Variants in ARSG observed in about 807,000 individuals in gnomAD.
ARSG encodes arylsulfatase G.
A neutral mutation model predicts 50.5 loss-of-function variants in ARSG; 37 were observed. The observed-to-expected ratio is 0.73, with a 90% CI of 0.56 to 0.96. The LOEUF (loss-of-function observed/expected upper bound fraction) is 0.96, where lower values mean the gene tolerates loss of function less well. ARSG is among the 50% of genes least tolerant of loss of function. ARSG has a pLI of 0.00. For missense variants in ARSG, 629 were observed against 675.3 expected (o/e 0.93, Z 0.76); for synonymous variants, 225 against 254.6 (o/e 0.88, Z 1.11).
chr17:68,360,661 G>A (rs192556372), intron 6 of ARSG, among the ~76,000 whole-genome samples: 74 of 152,260 alleles, frequency 4.9e-4, no homozygotes, highest in South Asian at 1.7e-3. Flanking sequence ...AAAAGGAGCC[G>A]GTAGAAGGCA....
intron 1 of ARSG, chr17:68,272,691 G>A (rs1455977856): frequency 1.2e-6 from 2 of 1,614,052 alleles, no homozygotes; most frequent in African/African-American, 1.3e-5. Context: ...CAACTGCAGT[G>A]ACTATGGAAC....
downstream of ARSG, among the ~76,000 whole-genome samples, chr17:68,423,571 G>T (rs189093992): frequency 2.0e-5 from 3 of 152,152 alleles, no homozygotes; most frequent in Admixed American, 6.5e-5. This position sits in a 1 kb window ranked among gnomAD's most constrained non-coding sequence, Gnocchi z 4.4. Flanking sequence ...TATTTCTTGC[G>T]TATAAATAAG....
At chr17:68,426,068 T>A (rs1444875132), downstream of ARSG, 1 of 1,612,768 alleles carries the variant, frequency 6.2e-7, no homozygotes. Flanking sequence ...GGGTTCCTAA[T>A]GCTCACAGGA....
chr17:68,278,478 C>G (rs1023933758), intron 1 of ARSG: 61 of 601,968 alleles, frequency 1.0e-4, no homozygotes, highest in Non-Finnish European at 1.7e-4. Flanking sequence ...GAGATGGAGT[C>G]TTGCTCTGTC....
intron 8 of ARSG, among the ~76,000 whole-genome samples, chr17:68,377,998 T>G (rs902429334): frequency 5.3e-5 from 8 of 152,200 alleles, no homozygotes; most frequent in Non-Finnish European, 1.2e-4. Context: ...TTCTTCTTCC[T>G]CAGTCTCCAA....
chr17:68,428,782 C>T, the ARSG span: 385,867 of 1,461,526 alleles, frequency 0.26, 52,594 homozygotes, highest in Non-Finnish European at 0.28. Flanking sequence ...GACAACTCTA[C>T]ACGACCAGCT....
chr17:68,365,141 C>G (rs2079483006), intron 6 of ARSG, among the ~76,000 whole-genome samples: 1 of 152,180 alleles, frequency 6.6e-6, no homozygotes, highest in Admixed American at 6.5e-5. Context: ...AAAACCTCAT[C>G]TCTACTAAAA....
the ARSG span, among the ~76,000 whole-genome samples, chr17:68,427,959 A>G: frequency 6.6e-6 from 1 of 151,460 alleles, no homozygotes; most frequent in Non-Finnish European, 1.5e-5. Flanking sequence ...GTGTGACCAC[A>G]GCTTACTGCA....
chr17:68,400,771 A>T (rs1474072803), intron 10 of ARSG, among the ~76,000 whole-genome samples: 1 of 152,170 alleles, frequency 6.6e-6, no homozygotes, highest in East Asian at 1.9e-4. Context: ...GGACTTTGCA[A>T]ATTACATAGC....
the ARSG span, among the ~76,000 whole-genome samples, chr17:68,432,999 C>T: frequency 1.3e-5 from 2 of 152,178 alleles, no homozygotes; most frequent in African/African-American, 4.8e-5. Context: ...GCTTCTTAAG[C>T]CCTGAGAAAT....
At chr17:68,451,160 C>T in the ARSG span, among the ~76,000 whole-genome samples, 7 of 152,348 alleles carry the variant, frequency 4.6e-5, no homozygotes, top group Middle Eastern at 6.8e-3. Flanking sequence ...CCTGGCATGG[C>T]GGCTCACGCC....
At chr17:68,346,033 AC>A (rs2078487782) in intron 3 of ARSG, among the ~76,000 whole-genome samples, 1 of 151,818 alleles carries the variant, frequency 6.6e-6, no homozygotes, top group African/African-American at 2.4e-5. Context: ...GCACCACCAC[AC>A]CCAGCTAATT....
chr17:68,405,708 A>AT (rs1174196206), intron 11 of ARSG, among the ~76,000 whole-genome samples: 1 of 152,070 alleles, frequency 6.6e-6, no homozygotes, highest in Non-Finnish European at 1.5e-5. Flanking sequence ...GTCCAGTACT[A>AT]TGTGGAACAG....
intron 11 of ARSG, among the ~76,000 whole-genome samples, chr17:68,412,909 G>A (rs1362291299): frequency 1.5e-4 from 23 of 150,740 alleles, no homozygotes; most frequent in Non-Finnish European, 3.4e-4. Context: ...CCAGTTGATC[G>A]CACCGGCTCC....
chr17:68,436,275 C>T, the ARSG span: 1 of 967,026 alleles, frequency 1.0e-6, no homozygotes, highest in Non-Finnish European at 1.7e-6. Flanking sequence ...GTATTGCTTA[C>T]TCCCACCGCC....
At chr17:68,369,519 G>C (rs1387434550) in intron 7 of ARSG, among the ~76,000 whole-genome samples, 1 of 151,340 alleles carries the variant, frequency 6.6e-6, no homozygotes, top group Non-Finnish European at 1.5e-5. Flanking sequence ...CAGCCTGGGA[G>C]ACAGAGCAAG....
At position 68,295,653 on chromosome 17, in the gene ARSG, A is replaced by T. The variant is rs2076176519; in HGVS notation, c.-552+4085A>T. Among the ~76,000 whole-genome samples the T allele has an allele frequency of 3.3e-5, 5 of 150,048 alleles. No homozygotes were observed. In the South Asian group the frequency reaches 8.4e-4, roughly 25 times the overall value. ...AGACCAGCCTGGGCAACACGGCAAG[A>T]CACCACATCTAAGACAAATTTTTTT... is the stretch of plus-strand genomic sequence containing the variant. On this transcript the variant is annotated intron_variant, in intron 1 of 11. Transcript: ENST00000621439.
chr17:68,439,101 T>G, the ARSG span, among the ~76,000 whole-genome samples: 1 of 152,156 alleles, frequency 6.6e-6, no homozygotes, highest in African/African-American at 2.4e-5. Flanking sequence ...AAACATAAAG[T>G]TCTCATATGA....
chr17:68,295,420 A>G (rs1182365125), intron 1 of ARSG, among the ~76,000 whole-genome samples: 1 of 152,066 alleles, frequency 6.6e-6, no homozygotes, highest in African/African-American at 2.4e-5. Flanking sequence ...TAGGCTTCTC[A>G]GTCTTCATAG....
Sources: gnomAD v4.1 joint callset for allele counts (sites outside exome capture counted in the v4.1 genomes callset) on GRCh38, gnomAD v4.1.1 for gene constraint, Gnocchi (gnomAD v3.1) non-coding constraint, MANE v1.5 for transcripts, NCBI Gene and HGNC (gene_info 2026-07-23, HGNC 2026-07-21) for gene names.